The following TRAPPC9 variants were observed in gnomAD, a reference collection of about 807,000 sequenced individuals.
TRAPPC9 encodes IKK2 binding protein.
TRAPPC9 carries 83 observed loss-of-function variants against 124.0 expected under a neutral mutation model. The observed-to-expected ratio is 0.67, with a 90% CI of 0.56 to 0.80. The LOEUF is 0.80. Ranked by LOEUF, TRAPPC9 falls within the 30% of genes least tolerant of loss-of-function variation. The pLI is 0.00. For missense variants in TRAPPC9, 1,302 were observed against 1,508.3 expected, an observed-to-expected ratio of 0.86 and a Z score of 2.27; for synonymous variants, 638 against 617.5, an observed-to-expected ratio of 1.03 and a Z score of -0.49.
chr8:139,851,190 G>T (rs1827422790), intron 21 of TRAPPC9, among the ~76,000 whole-genome samples: 1 of 152,230 alleles, frequency 6.6e-6, no homozygotes, highest in African/African-American at 2.4e-5. Flanking sequence ...CTGCAGAGAG[G>T]TATGAACAAC....
At chr8:139,933,689 C>T (rs1833341888) in intron 19 of TRAPPC9, 1 of 152,256 alleles carries the variant, frequency 6.6e-6, no homozygotes, top group Non-Finnish European at 1.5e-5. Flanking sequence ...TTTTTGTCAT[C>T]CCTGCCCTTG....
chr8:139,937,665 G>C (rs995518872), intron 19 of TRAPPC9, among the ~76,000 whole-genome samples: 1 of 152,176 alleles, frequency 6.6e-6, no homozygotes, highest in Non-Finnish European at 1.5e-5. Flanking sequence ...ATTAGAATGA[G>C]GCGGTTCTGG....
At chr8:140,425,962 T>C (rs1004077942) in intron 5 of TRAPPC9, among the ~76,000 whole-genome samples, 1 of 152,228 alleles carries the variant, frequency 6.6e-6, no homozygotes, top group African/African-American at 2.4e-5. Flanking sequence ...AGAGCCAAGA[T>C]GCACGAGGCG....
In TRAPPC9 at chr8:140,451,185, G is replaced by A. The variant is rs745336847; in HGVS notation, c.189C>T (p.Pro63=). 52 of 1,614,000 alleles carry A rather than the reference G, an allele frequency of 3.2e-5. 1 individual carries two copies. Among genetic ancestry groups the A allele is most frequent in the South Asian group, 1.1e-4 (10 of 91,090 alleles). Residue 63 remains proline, a synonymous_variant, in exon 2 of 23, where the codon CCC becomes CCT. Coordinates refer to ENST00000438773, the MANE Select transcript of TRAPPC9 (RefSeq NM_001160372.4). The part of the protein sequence containing the change: ...LYIRYRHHYP[P]ENNEWGDFQT... ...GGAAGTCACCCCACTCGTTGTTCTC[G>A]GGTGGGTAGTGGTGCCTGTAGCGGA...
At chr8:139,829,646 G>A (rs1192448234) in intron 21 of TRAPPC9, among the ~76,000 whole-genome samples, 2 of 152,214 alleles carry the variant, frequency 1.3e-5, no homozygotes, top group Non-Finnish European at 2.9e-5. Flanking sequence ...TGCACTCTGG[G>A]AGGGAGGGCC....
At chr8:139,930,217 A>G (rs1188396916) in intron 19 of TRAPPC9, among the ~76,000 whole-genome samples, 1 of 152,170 alleles carries the variant, frequency 6.6e-6, no homozygotes, top group African/African-American at 2.4e-5. Flanking sequence ...TCTACGCACT[A>G]TCTTAATGCA....
intron 21 of TRAPPC9, among the ~76,000 whole-genome samples, chr8:139,759,208 G>A (rs1820059592): frequency 6.6e-6 from 1 of 152,208 alleles, no homozygotes; most frequent in East Asian, 1.9e-4. Flanking sequence ...TGGCAGAGCT[G>A]GAGTCTGAAC....
chr8:139,838,539 AG>A (rs1386593994), intron 21 of TRAPPC9, among the ~76,000 whole-genome samples: 1 of 152,158 alleles, frequency 6.6e-6, no homozygotes, highest in African/African-American at 2.4e-5. Flanking sequence ...GGCTGCTCGG[AG>A]CCCCCCAAGG....
chr8:140,154,009 T>C (rs890080181), intron 17 of TRAPPC9, among the ~76,000 whole-genome samples: 4 of 152,142 alleles, frequency 2.6e-5, no homozygotes, highest in African/African-American at 9.7e-5. Flanking sequence ...TTCTCAAGAG[T>C]CAGCTCAAAC....
intron 7 of TRAPPC9, among the ~76,000 whole-genome samples, chr8:140,378,808 G>A (rs1194615743): frequency 6.6e-6 from 1 of 152,188 alleles, no homozygotes; most frequent in Non-Finnish European, 1.5e-5. Context: ...TGTGAGCACT[G>A]AAAACTGTTA....
intron 9 of TRAPPC9, among the ~76,000 whole-genome samples, chr8:140,354,865 C>T (rs552949023): frequency 2.7e-4 from 41 of 152,254 alleles, no homozygotes; most frequent in African/African-American, 9.1e-4. Flanking sequence ...AATTATTGAT[C>T]GGAGGTTACA....
intron 21 of TRAPPC9, among the ~76,000 whole-genome samples, chr8:139,838,987 G>A (rs887383928): frequency 1.3e-5 from 2 of 152,186 alleles, no homozygotes; most frequent in Admixed American, 6.5e-5. Context: ...ACGCTGGGAG[G>A]GGTGGAATTC....
intron 17 of TRAPPC9, among the ~76,000 whole-genome samples, chr8:140,160,894 C>G (rs1255108079): frequency 6.6e-6 from 1 of 152,042 alleles, no homozygotes; most frequent in East Asian, 1.9e-4. Context: ...ATCAGTGAAC[C>G]AGATTATCAT....
At chr8:140,225,041 G>A (rs1563860938) in intron 16 of TRAPPC9, among the ~76,000 whole-genome samples, 3 of 152,332 alleles carry the variant, frequency 2.0e-5, no homozygotes, top group African/African-American at 4.8e-5. Context: ...CACATATACT[G>A]TGAGGTTATA....
At chr8:140,061,740 G>A (rs534466827) in intron 17 of TRAPPC9, among the ~76,000 whole-genome samples, 1 of 152,338 alleles carries the variant, frequency 6.6e-6, no homozygotes, top group Admixed American at 6.5e-5. Context: ...CTGGACGGAA[G>A]GGGGAGAGGC....
intron 21 of TRAPPC9, among the ~76,000 whole-genome samples, chr8:139,733,161 G>C (rs1016727465): frequency 6.6e-6 from 1 of 152,194 alleles, no homozygotes; most frequent in African/African-American, 2.4e-5. Flanking sequence ...TTCTGGATTA[G>C]AGTGAGCCCT....
chr8:139,814,188 G>C (rs1377515340), intron 21 of TRAPPC9, among the ~76,000 whole-genome samples: 1 of 152,216 alleles, frequency 6.6e-6, no homozygotes, highest in African/African-American at 2.4e-5. Context: ...CAGGCGGTGG[G>C]CGGCCAGGGG....
At chr8:140,065,204 A>C (rs1587628414) in intron 17 of TRAPPC9, among the ~76,000 whole-genome samples, 2 of 152,236 alleles carry the variant, frequency 1.3e-5, no homozygotes, top group East Asian at 3.8e-4. Flanking sequence ...TAATTCTATG[A>C]AACATGAGAG....
At chr8:140,082,723 T>G (rs905750999) in intron 17 of TRAPPC9, among the ~76,000 whole-genome samples, 1 of 152,216 alleles carries the variant, frequency 6.6e-6, no homozygotes, top group Non-Finnish European at 1.5e-5. Flanking sequence ...AACACGTTCT[T>G]TTCTCCTATT....
Sources: gnomAD v4.1 joint callset for allele counts (sites outside exome capture counted in the v4.1 genomes callset) on GRCh38, gnomAD v4.1.1 for gene constraint, MANE v1.5 for transcripts, NCBI Gene and HGNC (gene_info 2026-07-23, HGNC 2026-07-21) for gene names.